SV2C: variants seen among roughly 807,000 people sequenced by gnomAD.
SV2C encodes the protein synaptic vesicle glycoprotein 2C, also known as solute carrier family 22 member B3.
A neutral mutation model predicts 79.7 loss-of-function variants in SV2C; 49 were observed. The observed-to-expected ratio is 0.61, with a 90% CI of 0.49 to 0.78. SV2C has a LOEUF of 0.78. Among genes scored for constraint, SV2C ranks in the 30% least tolerant of loss-of-function variants. The pLI is 0.00. For missense variants in SV2C, 833 were observed against 912.9 expected, an observed-to-expected ratio of 0.91 and a Z score of 1.13; for synonymous variants, 334 against 333.2, an observed-to-expected ratio of 1.00 and a Z score of -0.03.
At chr5:76,048,295 C>T in the SV2C span, among the ~76,000 whole-genome samples, 1 of 152,100 alleles carries the variant, frequency 6.6e-6, no homozygotes, top group Non-Finnish European at 1.5e-5. Flanking sequence ...CCAAGAGCAC[C>T]GATGTCCGAG....
downstream of SV2C, among the ~76,000 whole-genome samples, chr5:76,337,697 C>A (rs376320725): frequency 2.6e-5 from 4 of 152,210 alleles, no homozygotes; most frequent in African/African-American, 9.6e-5. Context: ...GAACAAGGGT[C>A]CTGCACTCAT....
the SV2C span, among the ~76,000 whole-genome samples, chr5:75,872,341 A>G: frequency 2.0e-5 from 3 of 151,928 alleles, no homozygotes; most frequent in Non-Finnish European, 4.4e-5. Flanking sequence ...TTAATTTATA[A>G]CTTCTTGAAA....
intron 4 of SV2C, chr5:76,242,213 A>T: frequency 2.1e-6 from 2 of 972,808 alleles, no homozygotes; most frequent in African/African-American, 1.6e-5. Context: ...TTTAGCAGAC[A>T]ACCTCGCGGA....
At position 76,260,950 on chromosome 5, in the gene SV2C, T is replaced by C. The variant is rs1435126404; in HGVS notation, c.914-24212T>C. Among the ~76,000 whole-genome samples, 3 of 115,126 alleles carry C rather than the reference T, an allele frequency of 2.6e-5. No homozygotes were observed. In the East Asian group the frequency reaches 6.9e-4, roughly 26 times the overall value. The allele number at this position is 115,126 out of a possible 152,430, so 75.5% of individuals were successfully genotyped here. A position where few individuals can be genotyped will look rare whatever the true frequency, so the allele number is the denominator to read the frequency against. ...GGCTCTTTTTGGTTCCATATGAAAT[T>C]TCAAGTAGTTTTTTTCTAGTTATGT... On this transcript the variant is annotated intron_variant, in intron 4 of 12. Transcript: ENST00000502798.
chr5:76,072,048 T>C, the SV2C span, among the ~76,000 whole-genome samples: 1 of 152,138 alleles, frequency 6.6e-6, no homozygotes, highest in Non-Finnish European at 1.5e-5. Context: ...AGAGAAAAAA[T>C]TCAAAGAGAT....
intron 12 of SV2C, among the ~76,000 whole-genome samples, chr5:76,308,580 T>C (rs1432074099): frequency 3.9e-5 from 6 of 152,232 alleles, no homozygotes; most frequent in Non-Finnish European, 5.9e-5. Flanking sequence ...GCCGTTTTCC[T>C]GGTCCTTGGG....
chr5:76,170,226 T>A (rs1453574819), intron 2 of SV2C, among the ~76,000 whole-genome samples: 1 of 141,518 alleles, frequency 7.1e-6, no homozygotes, highest in Non-Finnish European at 1.5e-5. Context: ...ATCCAAACAT[T>A]AATGCATACA....
At chr5:75,956,973 C>G in the SV2C span, among the ~76,000 whole-genome samples, 2,119 of 152,062 alleles carry the variant, frequency 0.014, 51 homozygotes, top group African/African-American at 0.049. Context: ...CTATTACAGT[C>G]TACAAAGGCA....
At chr5:75,902,073 C>G in the SV2C span, among the ~76,000 whole-genome samples, 1 of 148,328 alleles carries the variant, frequency 6.7e-6, no homozygotes, top group African/African-American at 2.5e-5. Flanking sequence ...TGCTTCAGCT[C>G]GTGCATGGTG....
the SV2C span, among the ~76,000 whole-genome samples, chr5:76,031,093 TC>T: frequency 6.6e-6 from 1 of 152,214 alleles, no homozygotes; most frequent in Non-Finnish European, 1.5e-5. Context: ...GCAGGTATGA[TC>T]TTTTGTTTGA....
At chr5:75,855,193 A>C in the SV2C span, among the ~76,000 whole-genome samples, 1 of 152,180 alleles carries the variant, frequency 6.6e-6, no homozygotes, top group Admixed American at 6.5e-5. Flanking sequence ...CTATAGGTAG[A>C]TGTGATTTGG....
intron 12 of SV2C, among the ~76,000 whole-genome samples, chr5:76,315,882 C>A (rs1438939735): frequency 2.0e-5 from 3 of 152,114 alleles, no homozygotes; most frequent in African/African-American, 7.2e-5. Flanking sequence ...CCTCAGTATC[C>A]CCTGCATCAC....
the SV2C span, chr5:75,911,552 G>A: frequency 5.3e-5 from 35 of 664,784 alleles, no homozygotes; most frequent in Non-Finnish European, 9.1e-5. Flanking sequence ...CCAAGTCCTA[G>A]TACCTCCCTA....
At chr5:76,013,535 A>T in the SV2C span, among the ~76,000 whole-genome samples, 1 of 152,182 alleles carries the variant, frequency 6.6e-6, no homozygotes, top group Non-Finnish European at 1.5e-5. Context: ...CTAAATATAC[A>T]ATCATGTCAT....
At chr5:76,321,191 T>C (rs1748815352) in intron 12 of SV2C, among the ~76,000 whole-genome samples, 1 of 152,142 alleles carries the variant, frequency 6.6e-6, no homozygotes, top group Admixed American at 6.5e-5. Context: ...TGAGTAGTTA[T>C]GACTTGTCAA....
chr5:76,312,122 C>T (rs1318997386), intron 12 of SV2C, among the ~76,000 whole-genome samples: 1 of 152,152 alleles, frequency 6.6e-6, no homozygotes, highest in Non-Finnish European at 1.5e-5. Flanking sequence ...AGGCCTGTTC[C>T]AGCTCATTCC....
the SV2C span, among the ~76,000 whole-genome samples, chr5:76,000,254 A>G: frequency 5.3e-5 from 8 of 152,090 alleles, no homozygotes; most frequent in African/African-American, 1.9e-4. Context: ...TTTCCCAGGT[A>G]CCCACCCCTA....
intron 8 of SV2C, among the ~76,000 whole-genome samples, chr5:76,294,640 TTC>T (rs1416701846): frequency 1.3e-5 from 2 of 152,210 alleles, no homozygotes; most frequent in African/African-American, 4.8e-5. Flanking sequence ...AATTTTTACC[TTC>T]TTTTTTTCCG....
chr5:76,089,569 G>A (rs572964996), intron 1 of SV2C, among the ~76,000 whole-genome samples: 2 of 152,178 alleles, frequency 1.3e-5, no homozygotes, highest in Admixed American at 1.3e-4. Context: ...AGGTCCAATG[G>A]TATTTCTGGT....
Sources: gnomAD v4.1 joint callset for allele counts (sites outside exome capture counted in the v4.1 genomes callset) on GRCh38, gnomAD v4.1.1 for gene constraint, MANE v1.5 for transcripts, NCBI Gene and HGNC (gene_info 2026-07-23, HGNC 2026-07-21) for gene names.